The following LCLAT1 variants were observed in gnomAD, a reference collection of about 807,000 sequenced individuals.
The protein encoded by LCLAT1 is lysocardiolipin acyltransferase 1.
Under a neutral mutation model 30.7 loss-of-function variants are expected in LCLAT1, and 11 were observed. That is an observed-to-expected ratio of 0.36 (90% CI 0.23 to 0.59). The LOEUF is 0.59. Ranked by LOEUF, LCLAT1 falls within the 20% of genes least tolerant of loss-of-function variation. The pLI, the probability that LCLAT1 is intolerant of heterozygous loss-of-function variation, is 0.77. For missense variants in LCLAT1, 402 were observed against 458.6 expected, an observed-to-expected ratio of 0.88 and a Z score of 1.13; for synonymous variants, 155 against 151.3, an observed-to-expected ratio of 1.02 and a Z score of -0.18.
At chr2:30,524,329 T>C (rs1035110899) in intron 1 of LCLAT1, among the ~76,000 whole-genome samples, 6 of 152,212 alleles carry the variant, frequency 3.9e-5, no homozygotes, top group African/African-American at 1.4e-4. Flanking sequence ...AAAGACCAAG[T>C]ACCCAAGATG....
intron 3 of LCLAT1, among the ~76,000 whole-genome samples, chr2:30,538,636 A>C (rs1249264735): frequency 2.0e-5 from 3 of 150,604 alleles, no homozygotes; most frequent in Non-Finnish European, 4.4e-5. Flanking sequence ...ACTCCATCTC[A>C]AAAAAAAATA....
intron 1 of LCLAT1, among the ~76,000 whole-genome samples, chr2:30,451,962 G>A (rs1681574274): frequency 6.6e-6 from 1 of 152,212 alleles, no homozygotes; most frequent in Non-Finnish European, 1.5e-5. Flanking sequence ...GTATCTTACA[G>A]ACATAAGTCA....
intron 4 of LCLAT1, among the ~76,000 whole-genome samples, chr2:30,566,359 C>T (rs1182859784): frequency 6.6e-6 from 1 of 152,124 alleles, no homozygotes; most frequent in Non-Finnish European, 1.5e-5. Flanking sequence ...ATTTAAGGTC[C>T]TGTCAGCTGT....
chr2:30,614,271 T>A (rs1397442547), intron 5 of LCLAT1, among the ~76,000 whole-genome samples: 2 of 129,408 alleles, frequency 1.5e-5, no homozygotes, highest in Non-Finnish European at 3.3e-5. Context: ...TAACTCTGAG[T>A]TGACACAGCA....
At chr2:30,463,349 A>G (rs1438496088) in intron 1 of LCLAT1, among the ~76,000 whole-genome samples, 1 of 152,128 alleles carries the variant, frequency 6.6e-6, no homozygotes, top group African/African-American at 2.4e-5. Flanking sequence ...TTAATATATA[A>G]ACGTTATCAT....
At chr2:30,461,734 A>G (rs1223610278) in intron 1 of LCLAT1, among the ~76,000 whole-genome samples, 1 of 149,686 alleles carries the variant, frequency 6.7e-6, no homozygotes, top group Non-Finnish European at 1.5e-5. Flanking sequence ...ACCCTCCTCT[A>G]ATCTGGCTGC....
intron 1 of LCLAT1, among the ~76,000 whole-genome samples, chr2:30,524,519 C>T (rs1011373200): frequency 4.6e-5 from 7 of 152,058 alleles, no homozygotes; most frequent in African/African-American, 1.7e-4. Context: ...TGGAAAATTC[C>T]AGAAATAAAC....
chr2:30,490,173 T>A (rs2148325772), intron 1 of LCLAT1, among the ~76,000 whole-genome samples: 1 of 151,776 alleles, frequency 6.6e-6, no homozygotes, highest in Admixed American at 6.6e-5. Context: ...CTGACTACAG[T>A]CTCAGCTAAT....
At chr2:30,607,785 A>G (rs13398796) in intron 5 of LCLAT1, 19,254 of 151,572 alleles carry the variant, frequency 0.13, 1,375 homozygotes, top group South Asian at 0.23. Context: ...CCTTGCAGTG[A>G]GACAAGATGT....
At chr2:30,465,077 C>T (rs1228200526) in intron 1 of LCLAT1, among the ~76,000 whole-genome samples, 1 of 151,978 alleles carries the variant, frequency 6.6e-6, no homozygotes, top group Non-Finnish European at 1.5e-5. Flanking sequence ...ATATTCAAGT[C>T]CTAATCCTGG....
chr2:30,640,291 A>T lies in LCLAT1; in HGVS notation c.803A>T (p.Lys268Ile). 6.2e-7 allele frequency: 1 copy of T among 1,614,192 alleles called. No individual in the cohort carries two copies. Among genetic ancestry groups the T allele is most frequent in the South Asian group, 1.1e-5 (1 of 91,078 alleles). ...GAGGACCTTCAACTCTGGTGCCACA[A>T]ACGGTGGGAAGAGAAAGAAGAGAGG... The part of the protein sequence containing the change: ...SKEDLQLWCH[K>I]RWEEKEERLR... The change falls in exon 6 of 6, where the codon AAA becomes ATA. Residue 268 changes from lysine (K) to isoleucine (I), a missense_variant. Lys to Ile is a moderately radical substitution (Grantham distance 102). Transcript: ENST00000379509.
intron 5 of LCLAT1, among the ~76,000 whole-genome samples, chr2:30,601,765 AATGTTGTAT>A (rs1667194918): frequency 6.6e-6 from 1 of 151,806 alleles, no homozygotes; most frequent in African/African-American, 2.4e-5. Context: ...AAGTGACATA[AATGTTGTAT>A]ATAAGTTCTC....
chr2:30,533,277 T>G lies in LCLAT1; in HGVS notation c.327T>G (p.Ile109Met). The G allele has an allele frequency of 3.7e-6, 6 of 1,614,124 alleles. No homozygotes were observed. Among genetic ancestry groups the G allele is most frequent in the Non-Finnish European group, 5.1e-6 (6 of 1,179,986 alleles). Residue 109 changes from isoleucine (I) to methionine (M), a missense_variant, in exon 3 of 6, where the codon ATT becomes ATG. Transcript: ENST00000379509. ...MRYSYLRLEK[I>M]CLKASLKGVP... ...ATAGCTACCTCAGATTGGAGAAAAT[T>G]TGCCTCAAAGCGAGTCTCAAAGGTG...
At chr2:30,519,174 G>A (rs1454176033) in intron 1 of LCLAT1, among the ~76,000 whole-genome samples, 2 of 152,226 alleles carry the variant, frequency 1.3e-5, no homozygotes, top group Non-Finnish European at 2.9e-5. Flanking sequence ...ACTGTTGGAT[G>A]TGCCTCACCC....
intron 1 of LCLAT1, among the ~76,000 whole-genome samples, chr2:30,462,093 C>G (rs965080879): frequency 1.3e-5 from 2 of 152,120 alleles, no homozygotes; most frequent in Non-Finnish European, 2.9e-5. Flanking sequence ...TTTATCACAT[C>G]ATTTTTGAAC....
At chr2:30,599,449 T>C (rs1667080190) in intron 5 of LCLAT1, among the ~76,000 whole-genome samples, 1 of 152,206 alleles carries the variant, frequency 6.6e-6, no homozygotes, top group Non-Finnish European at 1.5e-5. Flanking sequence ...TATTCTGTTG[T>C]TTTGTGGTGG....
chr2:30,466,542 A>G (rs1469074494), intron 1 of LCLAT1, among the ~76,000 whole-genome samples: 1 of 152,178 alleles, frequency 6.6e-6, no homozygotes, highest in Non-Finnish European at 1.5e-5. Context: ...TTTAAATACT[A>G]TTTTAGAAAC....
chr2:30,454,157 C>G (rs557681261), intron 1 of LCLAT1, among the ~76,000 whole-genome samples: 11 of 152,304 alleles, frequency 7.2e-5, no homozygotes, highest in Admixed American at 7.2e-4. Flanking sequence ...CTGAATGTAA[C>G]TTACGGTAGC....
At chr2:30,620,492 A>C (rs923065087) in intron 5 of LCLAT1, among the ~76,000 whole-genome samples, 1 of 152,112 alleles carries the variant, frequency 6.6e-6, no homozygotes, top group Non-Finnish European at 1.5e-5. Flanking sequence ...ATAGGAACCT[A>C]TTTTCCATAG....
Sources: gnomAD v4.1 joint callset for allele counts (sites outside exome capture counted in the v4.1 genomes callset) on GRCh38, gnomAD v4.1.1 for gene constraint, MANE v1.5 for transcripts, NCBI Gene and HGNC (gene_info 2026-07-23, HGNC 2026-07-21) for gene names.